Variants in DTHD1 observed in about 807,000 individuals in gnomAD.
DTHD1 encodes death domain containing 1.
Under a neutral mutation model 74.8 loss-of-function variants are expected in DTHD1, and 59 were observed. That is an observed-to-expected ratio of 0.79 (90% CI 0.64 to 0.98). The LOEUF (loss-of-function observed/expected upper bound fraction) is 0.98. Ranked by LOEUF, DTHD1 falls within the 50% of genes least tolerant of loss-of-function variation. The pLI is 0.00. For missense variants in DTHD1, 1,051 were observed against 1,065.4 expected (o/e 0.99, Z 0.19); for synonymous variants, 365 against 371.1 (o/e 0.98, Z 0.19).
At chr4:36,323,583 A>ATTTTTTTTTTTTTTTTTTTTTTTTTGAG (rs1553970960) in intron 8 of DTHD1, among the ~76,000 whole-genome samples, 1 of 148,678 alleles carries the variant, frequency 6.7e-6, no homozygotes, top group Non-Finnish European at 1.5e-5. Context: ...TAGGTATTTT[A>ATTTTTTTTTTTTTTTTTTTTTTTTTGAG]AAAAGCAGAT....
chr4:36,284,107 A>T lies in DTHD1; in HGVS notation c.403A>T (p.Thr135Ser), dbSNP rs761331682. ...GCATGATGAATGTACTCCACAGCAG[A>T]CAATGTCCTCCATTCAAGATACCAA... ...GMHDECTPQQTMSSIQDTKAA... is the reference protein window; with the variant it reads ...GMHDECTPQQSMSSIQDTKAA... Residue 135 changes from threonine (T) to serine (S), a missense_variant, in exon 2 of 10, where the codon ACA becomes TCA. Transcript: ENST00000639862. 6.5e-7 allele frequency: 1 copy of T among 1,537,256 alleles called. No individual in the cohort carries two copies. The highest frequency in any genetic ancestry group is 1.2e-5 in the South Asian group (1 of 84,066).
chr4:36,294,530 C>T (rs996493177), intron 4 of DTHD1, among the ~76,000 whole-genome samples: 1 of 151,726 alleles, frequency 6.6e-6, no homozygotes, highest in Admixed American at 6.6e-5. Flanking sequence ...ATTTTGTTGC[C>T]TGCAATTAAG....
chr4:36,298,672 A>G (rs1320370196), intron 5 of DTHD1, among the ~76,000 whole-genome samples: 2 of 152,190 alleles, frequency 1.3e-5, no homozygotes, highest in East Asian at 3.8e-4. Flanking sequence ...AAAGGTCTGT[A>G]TTGTGTTATA....
intron 5 of DTHD1, among the ~76,000 whole-genome samples, chr4:36,303,793 C>G (rs1475258493): frequency 1.3e-5 from 2 of 152,180 alleles, no homozygotes; most frequent in African/African-American, 4.8e-5. Flanking sequence ...ATCTTTGCAT[C>G]TGTCATGGCC....
At chr4:36,320,525 G>GATTCATT (rs906985585) in intron 8 of DTHD1, among the ~76,000 whole-genome samples, 9 of 152,170 alleles carry the variant, frequency 5.9e-5, no homozygotes, top group African/African-American at 2.2e-4. Flanking sequence ...ACTGCCAATA[G>GATTCATT]GCCATCTGTG....
Position 36,284,322 on chromosome 4 carries a change from G to T in DTHD1, c.618G>T (p.Glu206Asp). ...ATGGACGTGTACTGGGGCAAGAAGA[G>T]TCACAGAATAAAATGTTCCCAGATA... ...SLNGRVLGQE[E>D]SQNKMFPDNA... Residue 206 changes from glutamate (E) to aspartate (D), a missense_variant, in exon 2 of 10, where the codon GAG becomes GAT. Coordinates refer to ENST00000639862, the MANE Select transcript of DTHD1 (RefSeq NM_001170700.3). 6.5e-7 allele frequency: 1 copy of T among 1,537,180 alleles called. No individual in the cohort carries two copies. The highest frequency in any genetic ancestry group is 8.7e-7 in the Non-Finnish European group (1 of 1,146,858).
intron 9 of DTHD1, among the ~76,000 whole-genome samples, chr4:36,341,182 G>A (rs915472611): frequency 2.0e-5 from 3 of 152,130 alleles, no homozygotes; most frequent in African/African-American, 7.2e-5. Context: ...GAAAGAGTAT[G>A]TGATAAAGAG....
Position 36,284,135 on chromosome 4 carries a change from C to G in DTHD1, c.431C>G (p.Ala144Gly). Residue 144 changes from alanine (A) to glycine (G), a missense_variant, in exon 2 of 10, where the codon GCA becomes GGA. Coordinates refer to ENST00000639862, the MANE Select transcript of DTHD1 (RefSeq NM_001170700.3). ...ATGTCCTCCATTCAAGATACCAAAG[C>G]AGCAGACATTGCTGCAAGAGGGGAA... Reference protein sequence around the residue: ...QTMSSIQDTKAADIAARGELN... With the variant: ...QTMSSIQDTKGADIAARGELN... 6.5e-7 allele frequency: 1 copy of G among 1,537,226 alleles called. No homozygotes were observed. The highest frequency in any genetic ancestry group is 1.2e-5 in the South Asian group (1 of 84,062).
intron 8 of DTHD1, among the ~76,000 whole-genome samples, chr4:36,328,054 GA>G (rs145970213): frequency 0.24 from 35,920 of 152,062 alleles, 4,655 homozygotes; most frequent in Admixed American, 0.3. Flanking sequence ...AAATAATGAA[GA>G]AGCAAAATAT....
chr4:36,309,431 G>A (rs1010886221), intron 7 of DTHD1, among the ~76,000 whole-genome samples: 4 of 152,168 alleles, frequency 2.6e-5, no homozygotes, highest in Admixed American at 6.5e-5. Flanking sequence ...GCAGTGAGCC[G>A]AGATACCTTG....
chr4:36,299,172 T>C (rs139504648), intron 5 of DTHD1, among the ~76,000 whole-genome samples: 1 of 152,192 alleles, frequency 6.6e-6, no homozygotes, highest in African/African-American at 2.4e-5. Flanking sequence ...CATATACTTA[T>C]ATTTGTCCTG....
intron 8 of DTHD1, among the ~76,000 whole-genome samples, chr4:36,317,007 T>A (rs1757777205): frequency 6.6e-6 from 1 of 152,240 alleles, no homozygotes; most frequent in African/African-American, 2.4e-5. Flanking sequence ...TTTATTGCTG[T>A]ATATTACAGT....
intron 1 of DTHD1, 103 bp downstream of exon 1, chr4:36,282,132 C>T (rs1422933560): frequency 5.0e-6 from 5 of 1,005,616 alleles, no homozygotes; most frequent in Admixed American, 3.5e-5. Flanking sequence ...GATAGAGTTT[C>T]TGTCCACAAG....
At chr4:36,328,015 G>A (rs140237700) in intron 8 of DTHD1, among the ~76,000 whole-genome samples, 2,748 of 152,118 alleles carry the variant, frequency 0.018, 42 homozygotes, top group South Asian at 0.055. Context: ...TTATGAAAGA[G>A]TGATTTTCTA....
At chr4:36,301,987 G>A (rs1326390698) in intron 5 of DTHD1, among the ~76,000 whole-genome samples, 1 of 152,160 alleles carries the variant, frequency 6.6e-6, no homozygotes, top group East Asian at 1.9e-4. Context: ...GACAGTTCTA[G>A]CACTGTGAAA....
intron 5 of DTHD1, among the ~76,000 whole-genome samples, chr4:36,303,566 G>A (rs1473444936): frequency 6.6e-6 from 1 of 151,334 alleles, no homozygotes; most frequent in Non-Finnish European, 1.5e-5. Flanking sequence ...TCCTCATTCT[G>A]GCAACATAGT....
intron 8 of DTHD1, among the ~76,000 whole-genome samples, chr4:36,321,495 ACT>A (rs1224502106): frequency 5.3e-5 from 8 of 152,208 alleles, no homozygotes; most frequent in Admixed American, 6.5e-5. Flanking sequence ...ATAATCTGTC[ACT>A]GTCTCCCATC....
chr4:36,296,452 G>C (rs1311234828), intron 5 of DTHD1, among the ~76,000 whole-genome samples: 1 of 151,884 alleles, frequency 6.6e-6, no homozygotes, highest in Non-Finnish European at 1.5e-5. Context: ...AAAATCAAAA[G>C]TAAAAATTTA....
chr4:36,318,438 C>T (rs922976986), intron 8 of DTHD1, among the ~76,000 whole-genome samples: 2 of 152,174 alleles, frequency 1.3e-5, no homozygotes, highest in Non-Finnish European at 1.5e-5. Context: ...AGTCTCCTGG[C>T]GACATTAACT....
Sources: allele counts gnomAD v4.1 joint callset (sites outside exome capture counted in the v4.1 genomes callset), GRCh38; gene constraint gnomAD v4.1.1; transcripts MANE v1.5; gene names NCBI Gene and HGNC (gene_info 2026-07-23, HGNC 2026-07-21).